ELF1: variants seen among roughly 807,000 people sequenced by gnomAD.
ELF1 encodes the protein ETS-related transcription factor Elf-1.
A neutral mutation model predicts 59.9 loss-of-function variants in ELF1; 24 were observed. The ratio of observed to expected loss-of-function variants is 0.40; its 90% CI spans 0.29 to 0.56. The LOEUF is 0.56. Among genes scored for constraint, ELF1 ranks in the 20% least tolerant of loss-of-function variants. The probability of loss-of-function intolerance (pLI) is 0.44; values close to 1 mark genes in which losing one functional copy is unlikely to be tolerated. For missense variants in ELF1, 627 were observed against 742.2 expected (o/e 0.84, Z 1.80); for synonymous variants, 248 against 266.2 (o/e 0.93, Z 0.67).
chr13:40,990,476 A>G (rs1024278166), intron 1 of ELF1, among the ~76,000 whole-genome samples: 2 of 152,158 alleles, frequency 1.3e-5, no homozygotes, highest in African/African-American at 2.4e-5. Flanking sequence ...ATGGAACCTA[A>G]TATCAGGGTT....
At position 40,982,008 on chromosome 13, in the gene ELF1, C is replaced by T. The variant is rs1873300259; in HGVS notation, c.47G>A (p.Ser16Asn). 1.9e-6 allele frequency: 3 copies of T among 1,610,546 alleles called. No individual in the cohort carries two copies. Among genetic ancestry groups the T allele is most frequent in the Non-Finnish European group, 1.7e-6 (2 of 1,178,328 alleles). Residue 16 changes from serine to asparagine, a missense_variant, in exon 2 of 9, where the codon AGT becomes AAT. This residue lies in a region of ELF1 where 232 missense variants were observed against 269.2 expected (regional missense o/e 0.86). Coordinates refer to ENST00000239882, the MANE Select transcript of ELF1 (RefSeq NM_172373.4). ...CTGTCGTTCATCCTCCATGACGTTA[C>T]TAGCAAATTCAAATACTAGGTCGTT... ...QQNDLVFEFA[S>N]NVMEDERQLG... is the part of the protein sequence containing the mutation.
intron 1 of ELF1, among the ~76,000 whole-genome samples, chr13:41,053,413 C>T (rs538494135): frequency 5.3e-5 from 8 of 152,054 alleles, no homozygotes; most frequent in African/African-American, 1.7e-4. Context: ...ATTACCAAAA[C>T]GTAAGGTCCT....
intron 1 of ELF1, among the ~76,000 whole-genome samples, chr13:41,055,771 A>G (rs1274963341): frequency 6.6e-6 from 1 of 151,014 alleles, no homozygotes; most frequent in African/African-American, 2.4e-5. Flanking sequence ...TGCAGCCTCA[A>G]CCCCCCAGGT....
At chr13:40,995,398 G>C (rs1444500474) in intron 1 of ELF1, among the ~76,000 whole-genome samples, 2 of 152,172 alleles carry the variant, frequency 1.3e-5, no homozygotes, top group African/African-American at 4.8e-5. Flanking sequence ...AGTCAGATTT[G>C]TAAGACAGGA....
chr13:41,050,513 G>A (rs565928916), intron 1 of ELF1, among the ~76,000 whole-genome samples: 2 of 152,258 alleles, frequency 1.3e-5, no homozygotes, highest in South Asian at 4.1e-4. Flanking sequence ...ATTATTTTGA[G>A]TATATATCAA....
chr13:40,941,280 T>C lies in ELF1; in HGVS notation c.897A>G (p.Ile299Met). ...FKEMPKDLIY[I>M]NDEDPSSSIE... is the part of the protein sequence containing the mutation. ...TGCTGGAACTTGGATCCTCATCATTTATATATATAAGATCTTTTGGCATTT... is the reference window on the plus strand; with the variant it reads ...TGCTGGAACTTGGATCCTCATCATTCATATATATAAGATCTTTTGGCATTT... The change falls in exon 8 of 9, where the codon ATA becomes ATG. Residue 299 changes from isoleucine (I) to methionine (M), a missense_variant. This residue lies in a region of ELF1 where 361 missense variants were observed against 396.1 expected (regional missense o/e 0.91). Transcript: ENST00000239882. 6.2e-7 allele frequency: 1 copy of C among 1,614,146 alleles called. No homozygotes were observed. Among genetic ancestry groups the C allele is most frequent in the South Asian group, 1.1e-5 (1 of 91,068 alleles).
chr13:40,966,101 T>C (rs1199367102), intron 2 of ELF1, among the ~76,000 whole-genome samples: 1 of 152,262 alleles, frequency 6.6e-6, no homozygotes, highest in Non-Finnish European at 1.5e-5. Flanking sequence ...TTAGATCTTT[T>C]GCTATTTGTC....
chr13:41,060,851 G>T (rs1446364288), exon 1 of ELF1: 1 of 305,690 alleles, frequency 3.3e-6, no homozygotes, highest in South Asian at 2.8e-5. Flanking sequence ...ACAAGCATAA[G>T]TGCCTCTGCC....
At position 41,000,001 on chromosome 13, in the gene ELF1, T is replaced by C. The variant is rs1874333187; in HGVS notation, c.-228-17719A>G. Among the ~76,000 whole-genome samples the C allele has an allele frequency of 2.0e-5, 3 of 152,332 alleles. No homozygotes were observed. The South Asian group carries it at 6.2e-4, about 32-fold the overall frequency. On this transcript the variant is annotated intron_variant, in intron 1 of 8. Coordinates refer to ENST00000239882, the MANE Select transcript of ELF1 (RefSeq NM_172373.4). ...GTGTAACTTTGAAATATATGAACTG[T>C]TGCATCTTTGGATGACTATATCTTC...
chr13:41,009,637 T>G (rs1327145747), intron 1 of ELF1, among the ~76,000 whole-genome samples: 6 of 152,226 alleles, frequency 3.9e-5, no homozygotes, highest in African/African-American at 9.6e-5. Context: ...TAATTTTAAA[T>G]GTAATACTTT....
At chr13:41,039,464 T>C (rs912546556) in intron 1 of ELF1, among the ~76,000 whole-genome samples, 6 of 151,938 alleles carry the variant, frequency 3.9e-5, no homozygotes, top group Non-Finnish European at 7.4e-5. Flanking sequence ...ACTAGAAATC[T>C]TAGGCAATAT....
At chr13:40,979,751 G>A (rs1033305029) in intron 2 of ELF1, among the ~76,000 whole-genome samples, 1 of 152,056 alleles carries the variant, frequency 6.6e-6, no homozygotes, top group African/African-American at 2.4e-5. Flanking sequence ...TTGTATATAT[G>A]TATGTTCATT....
At chr13:40,996,952 C>T (rs1390207574) in intron 1 of ELF1, among the ~76,000 whole-genome samples, 3 of 152,060 alleles carry the variant, frequency 2.0e-5, no homozygotes, top group Non-Finnish European at 4.4e-5. Context: ...ATATATACTA[C>T]CTCTTTCCAG....
chr13:41,030,291 A>G (rs1876110196), intron 1 of ELF1, among the ~76,000 whole-genome samples: 1 of 152,188 alleles, frequency 6.6e-6, no homozygotes, highest in African/African-American at 2.4e-5. Flanking sequence ...ATCAAGTTAG[A>G]TAAGGTCTGA....
intron 1 of ELF1, among the ~76,000 whole-genome samples, chr13:41,041,159 CAG>C (rs1876591026): frequency 6.8e-6 from 1 of 147,096 alleles, no homozygotes; most frequent in Admixed American, 7.0e-5. Flanking sequence ...GGCTAGAATG[CAG>C]AGAGGAGAGG....
chr13:40,992,960 G>T, intron 1 of ELF1: 5 of 888,568 alleles, frequency 5.6e-6, no homozygotes, highest in Admixed American at 3.9e-5. Context: ...TTACTTTTTT[G>T]TTCTGTTCTT....
Position 40,935,204 on chromosome 13 carries a change from G to C in ELF1, c.1257-1176C>G, listed in dbSNP as rs74045107. Among the ~76,000 whole-genome samples, 307 of 152,270 alleles carry C rather than the reference G, an allele frequency of 2.0e-3. 1 individual carries two copies. Among genetic ancestry groups the C allele is most frequent in the African/African-American group, 7.0e-3 (291 of 41,546 alleles). ...TCACAGCTCTGAAATTTATAGTTAA[G>C]GTTATTGTTAATATAGTATAAAACA... On this transcript the variant is annotated intron_variant, in intron 8 of 8. Coordinates refer to ENST00000239882, the MANE Select transcript of ELF1 (RefSeq NM_172373.4).
chr13:40,946,251 T>C (rs1278799739), intron 5 of ELF1, among the ~76,000 whole-genome samples: 2 of 152,232 alleles, frequency 1.3e-5, no homozygotes, highest in African/African-American at 2.4e-5. Context: ...TATTGAGGTA[T>C]AACTGACATA....
At chr13:40,997,054 C>A (rs1370644670) in intron 1 of ELF1, among the ~76,000 whole-genome samples, 1 of 152,118 alleles carries the variant, frequency 6.6e-6, no homozygotes, top group Non-Finnish European at 1.5e-5. Flanking sequence ...ATTTTAGGAT[C>A]CTCTTTCAAG....
Sources: gnomAD v4.1 joint callset for allele counts (sites outside exome capture counted in the v4.1 genomes callset) on GRCh38, gnomAD v4.1.1 for gene constraint, gnomAD v4.1.1 regional missense constraint, MANE v1.5 for transcripts, NCBI Gene and HGNC (gene_info 2026-07-23, HGNC 2026-07-21) for gene names.